The following RNF144A variants were observed in gnomAD, a reference collection of about 807,000 sequenced individuals.
RNF144A encodes E3 ubiquitin-protein ligase RNF144A.
In RNF144A, 11 loss-of-function variants were observed where a neutral mutation model predicts 38.7. The ratio of observed to expected loss-of-function variants is 0.28; its 90% confidence interval spans 0.18 to 0.47. The LOEUF (loss-of-function observed/expected upper bound fraction) is 0.47, where lower values mean the gene tolerates loss of function less well. RNF144A is among the 20% of genes least tolerant of loss of function. The probability of loss-of-function intolerance (pLI) is 0.99; values close to 1 mark genes in which losing one functional copy is unlikely to be tolerated. For missense variants in RNF144A, 316 were observed against 377.2 expected (o/e 0.84, Z 1.34); for synonymous variants, 149 against 143.9 (o/e 1.04, Z -0.25).
chr2:6,918,730 C>T (rs1664319703), intron 1 of RNF144A: 1 of 133,872 alleles, frequency 7.5e-6, no homozygotes, highest in East Asian at 2.3e-4. Flanking sequence ...CGCCACAGCA[C>T]TCCCGCCTGG....
At chr2:6,920,473 A>T (rs1431761681) in intron 1 of RNF144A, among the ~76,000 whole-genome samples, 3 of 152,140 alleles carry the variant, frequency 2.0e-5, no homozygotes, top group Non-Finnish European at 2.9e-5. Flanking sequence ...ATAGAAGAGG[A>T]TGAAGCCGTG....
intron 1 of RNF144A, among the ~76,000 whole-genome samples, chr2:6,922,489 C>G (rs1435126154): frequency 6.6e-6 from 1 of 152,140 alleles, no homozygotes; most frequent in Non-Finnish European, 1.5e-5. Flanking sequence ...TCAGGTAATT[C>G]TGTGGAGCAG....
At chr2:6,936,031 A>G (rs1196144606) in intron 1 of RNF144A, among the ~76,000 whole-genome samples, 2 of 152,126 alleles carry the variant, frequency 1.3e-5, no homozygotes, top group East Asian at 1.9e-4. Flanking sequence ...CACTGCTTTC[A>G]CTGTTCCTTT....
At chr2:7,070,570 G>GGAAA (rs1674432507), downstream of RNF144A, among the ~76,000 whole-genome samples, 8 of 152,278 alleles carry the variant, frequency 5.3e-5, no homozygotes, top group Admixed American at 2.0e-4. Flanking sequence ...GAAATAGAGA[G>GGAAA]TGTTTGCAGA....
At chr2:7,072,573 T>C (rs1646206200), downstream of RNF144A, among the ~76,000 whole-genome samples, 1 of 152,182 alleles carries the variant, frequency 6.6e-6, no homozygotes, top group African/African-American at 2.4e-5. Context: ...TCCTACCCCA[T>C]TCCATTTTTC....
intron 6 of RNF144A, among the ~76,000 whole-genome samples, chr2:7,066,908 T>C (rs1674255532): frequency 1.3e-5 from 2 of 152,208 alleles, no homozygotes; most frequent in Non-Finnish European, 2.9e-5. Flanking sequence ...TTAAAAGGCT[T>C]TTAACTGTTT....
At chr2:7,030,776 G>T (rs946415055) in intron 8 of RNF144A, among the ~76,000 whole-genome samples, 2 of 152,030 alleles carry the variant, frequency 1.3e-5, no homozygotes, top group African/African-American at 4.8e-5. Context: ...TTTATGTCAT[G>T]ATTACATTGT....
chr2:7,035,275 A>G (rs1672592452), intron 8 of RNF144A, among the ~76,000 whole-genome samples: 1 of 152,186 alleles, frequency 6.6e-6, no homozygotes, highest in Non-Finnish European at 1.5e-5. Context: ...CCCAGGCCAC[A>G]GCACGTGCTG....
At chr2:6,924,342 C>T (rs1026183607) in intron 1 of RNF144A, among the ~76,000 whole-genome samples, 3 of 152,222 alleles carry the variant, frequency 2.0e-5, no homozygotes, top group African/African-American at 4.8e-5. Flanking sequence ...AAGCATAGGA[C>T]GTGGCCTTTG....
At chr2:6,924,193 CTG>C (rs1219974760) in intron 1 of RNF144A, among the ~76,000 whole-genome samples, 1 of 152,166 alleles carries the variant, frequency 6.6e-6, no homozygotes, top group Admixed American at 6.5e-5. Flanking sequence ...AGAATGTAGC[CTG>C]GTGGCCTGGA....
intron 2 of RNF144A, among the ~76,000 whole-genome samples, chr2:6,974,705 A>G (rs1015841838): frequency 6.6e-6 from 1 of 152,208 alleles, no homozygotes; most frequent in African/African-American, 2.4e-5. Flanking sequence ...TTAGCTCTTG[A>G]CAGGCAGGTG....
chr2:6,949,373 T>TCCCTCCCCTC (rs538397709), intron 2 of RNF144A, among the ~76,000 whole-genome samples: 1 of 150,436 alleles, frequency 6.6e-6, no homozygotes, highest in Non-Finnish European at 1.5e-5. Context: ...ATTTCACAGT[T>TCCCTCCCCTC]CCCTCCCCTC....
intron 3 of RNF144A, among the ~76,000 whole-genome samples, chr2:7,009,429 A>G (rs1572393349): frequency 6.6e-6 from 1 of 152,020 alleles, no homozygotes; most frequent in East Asian, 1.9e-4. Flanking sequence ...ACACCACCCA[A>G]GGCTGTGGTG....
intron 8 of RNF144A, among the ~76,000 whole-genome samples, chr2:7,037,816 T>A (rs1457923243): frequency 3.9e-5 from 6 of 152,228 alleles, no homozygotes; most frequent in African/African-American, 1.4e-4. Flanking sequence ...ACTTCATTTG[T>A]TTATTTTATA....
intron 2 of RNF144A, among the ~76,000 whole-genome samples, chr2:6,980,176 G>C (rs1668545157): frequency 6.6e-6 from 1 of 152,200 alleles, no homozygotes; most frequent in African/African-American, 2.4e-5. Flanking sequence ...TGGGGATGCA[G>C]AGCTAACCCA....
intron 6 of RNF144A, among the ~76,000 whole-genome samples, chr2:7,059,590 G>A (rs1285814183): frequency 6.6e-6 from 1 of 152,200 alleles, no homozygotes; most frequent in Non-Finnish European, 1.5e-5. Context: ...TTTTGATGAA[G>A]ATGCAGAGTG....
At chr2:6,964,963 TATA>T (rs1667566609) in intron 2 of RNF144A, among the ~76,000 whole-genome samples, 2 of 151,832 alleles carry the variant, frequency 1.3e-5, no homozygotes, top group South Asian at 4.2e-4. Flanking sequence ...AAACTTAAAG[TATA>T]ATAATAATAA....
At chr2:7,000,626 AGAAG>A (rs1670035731) in intron 3 of RNF144A, among the ~76,000 whole-genome samples, 1 of 152,192 alleles carries the variant, frequency 6.6e-6, no homozygotes, top group Admixed American at 6.5e-5. Flanking sequence ...GACAGCTGCT[AGAAG>A]TAGAGATGAT....
At chr2:7,028,595 G>A (rs989017405) in intron 7 of RNF144A, among the ~76,000 whole-genome samples, 2 of 152,340 alleles carry the variant, frequency 1.3e-5, no homozygotes, top group East Asian at 3.9e-4. Flanking sequence ...TAAAGAGCCT[G>A]CAGTGCAAGA....
Sources: gnomAD v4.1 joint callset for allele counts (sites outside exome capture counted in the v4.1 genomes callset) on GRCh38, gnomAD v4.1.1 for gene constraint, MANE v1.5 for transcripts, NCBI Gene and HGNC (gene_info 2026-07-23, HGNC 2026-07-21) for gene names.